PDE1A: variants seen among roughly 807,000 people sequenced by gnomAD.
PDE1A encodes phosphodiesterase 1A.
Under a neutral mutation model 61.7 loss-of-function variants are expected in PDE1A, and 35 were observed. The observed-to-expected ratio is 0.57, with a 90% CI of 0.43 to 0.75. The LOEUF is 0.75. Ranked by LOEUF, PDE1A falls within the 30% of genes least tolerant of loss-of-function variation. PDE1A has a pLI of 0.00. For missense variants in PDE1A, 597 were observed against 630.6 expected (o/e 0.95, Z 0.57); for synonymous variants, 232 against 213.2 (o/e 1.09, Z -0.77).
At chr2:182,379,616 G>C (rs1700611239) in intron 1 of PDE1A, among the ~76,000 whole-genome samples, 1 of 152,150 alleles carries the variant, frequency 6.6e-6, no homozygotes, top group African/African-American at 2.4e-5. Context: ...AGGTAAATTA[G>C]AACAAAATGT....
intron 2 of PDE1A, among the ~76,000 whole-genome samples, chr2:182,241,045 A>G (rs1039160097): frequency 6.6e-6 from 1 of 152,198 alleles, no homozygotes; most frequent in African/African-American, 2.4e-5. Flanking sequence ...AACAATGACC[A>G]CGCTCTGTAT....
At chr2:182,211,318 T>C (rs1199203059) in intron 7 of PDE1A, among the ~76,000 whole-genome samples, 1 of 152,230 alleles carries the variant, frequency 6.6e-6, no homozygotes, top group Non-Finnish European at 1.5e-5. Context: ...CAAAGATCAG[T>C]TGACTATATT....
At chr2:182,188,549 T>C (rs902790514) in intron 11 of PDE1A, among the ~76,000 whole-genome samples, 7 of 152,202 alleles carry the variant, frequency 4.6e-5, no homozygotes, top group Non-Finnish European at 1.0e-4. Context: ...ATTCACATCA[T>C]GACAGAATAT....
At chr2:182,341,162 CG>C (rs1363259213) in intron 1 of PDE1A, among the ~76,000 whole-genome samples, 1 of 152,154 alleles carries the variant, frequency 6.6e-6, no homozygotes, top group African/African-American at 2.4e-5. Flanking sequence ...ATTCTCACAA[CG>C]TTATAGAGAG....
the PDE1A span, among the ~76,000 whole-genome samples, chr2:182,681,903 C>T: frequency 6.6e-6 from 1 of 152,182 alleles, no homozygotes; most frequent in Non-Finnish European, 1.5e-5. Context: ...ACCTCGGCCT[C>T]CCAAAGTGCT....
At chr2:182,374,703 T>C (rs1479502277) in intron 1 of PDE1A, among the ~76,000 whole-genome samples, 1 of 152,176 alleles carries the variant, frequency 6.6e-6, no homozygotes, top group Non-Finnish European at 1.5e-5. Flanking sequence ...AAGTGGTGAA[T>C]AAGCACATAA....
intron 3 of PDE1A, among the ~76,000 whole-genome samples, 161 bp from the exon 4 acceptor site, chr2:182,234,659 A>C (rs1689862265): frequency 6.6e-6 from 1 of 152,198 alleles, no homozygotes; most frequent in African/African-American, 2.4e-5. Context: ...TCACCTTTTT[A>C]CTAAACATCT....
chr2:182,546,255 G>A, the PDE1A span, among the ~76,000 whole-genome samples: 2 of 152,164 alleles, frequency 1.3e-5, no homozygotes, highest in Non-Finnish European at 2.9e-5. Context: ...CCATTGTGCT[G>A]TTGCTAGGAT....
Position 182,186,499 on chromosome 2 carries a change from T to C in PDE1A, c.1297A>G (p.Lys433Glu), listed in dbSNP as rs201595839. The C allele has an allele frequency of 4.1e-5, 66 of 1,613,076 alleles. No homozygotes were observed. In the Admixed American group the frequency reaches 6.9e-4, roughly 17 times the overall value. The change falls in exon 12 of 14, where the codon AAA becomes GAA. Residue 433 changes from lysine (K) to glutamate (E), a missense_variant. By Grantham distance (56) the Lys-to-Glu change is moderately conservative (BLOSUM62 1). Transcript: ENST00000351439. ...GCCACATAGGAAGAAGTTTCGGCTT[T>C]TGAGGCTTCCTCTATAAGAGGAATA...
intron 1 of PDE1A, among the ~76,000 whole-genome samples, chr2:182,400,375 T>C (rs1411473168): frequency 6.6e-6 from 1 of 152,212 alleles, no homozygotes; most frequent in Non-Finnish European, 1.5e-5. Context: ...TAAGAAACAG[T>C]TGCTCCATTT....
At chr2:182,451,075 T>C (rs1425459872) in intron 2 of PDE1A, among the ~76,000 whole-genome samples, 1 of 152,030 alleles carries the variant, frequency 6.6e-6, no homozygotes, top group Non-Finnish European at 1.5e-5. Flanking sequence ...ATTTTTCTTT[T>C]TATTAAAAAT....
At chr2:182,547,574 T>A in the PDE1A span, among the ~76,000 whole-genome samples, 1 of 152,346 alleles carries the variant, frequency 6.6e-6, no homozygotes, top group East Asian at 1.9e-4. Context: ...TTAAAACACA[T>A]AAGATATGCA....
chr2:182,575,801 T>C, the PDE1A span, among the ~76,000 whole-genome samples: 1 of 146,726 alleles, frequency 6.8e-6, no homozygotes, highest in Non-Finnish European at 1.5e-5. Context: ...TTAGTATTAT[T>C]AATTATTAAT....
Position 182,363,828 on chromosome 2 carries a change from G to T in PDE1A, c.53+62750C>A, listed in dbSNP as rs533937489. Among the ~76,000 whole-genome samples, 13 of 152,070 alleles carry T rather than the reference G, an allele frequency of 8.5e-5. No individual in the cohort carries two copies. The South Asian group carries it at 2.3e-3, about 27-fold the overall frequency. ...AGTTTCTAGAATTAGAAATTAACAA[G>T]GCAATAGTCTCAATAAAAGATGTGT... On this transcript the variant is annotated intron_variant, in intron 1 of 13. Transcript: ENST00000351439.
At chr2:182,255,213 A>G (rs2125748492) in intron 2 of PDE1A, among the ~76,000 whole-genome samples, 1 of 152,318 alleles carries the variant, frequency 6.6e-6, no homozygotes, top group Middle Eastern at 3.4e-3. Context: ...ACCACTAGCC[A>G]TCAATATTTT....
intron 2 of PDE1A, among the ~76,000 whole-genome samples, chr2:182,488,444 A>C (rs1688164447): frequency 6.6e-6 from 1 of 152,218 alleles, no homozygotes; most frequent in Non-Finnish European, 1.5e-5. Flanking sequence ...ATGAAAAAGC[A>C]AATCATATAA....
intron 2 of PDE1A, among the ~76,000 whole-genome samples, chr2:182,261,031 A>C (rs545527171): frequency 1.3e-5 from 2 of 152,328 alleles, no homozygotes; most frequent in African/African-American, 4.8e-5. Flanking sequence ...ATGATGTTTA[A>C]ATAAAATGGT....
chr2:182,291,649 C>T (rs2125886929), intron 1 of PDE1A, among the ~76,000 whole-genome samples: 1 of 152,072 alleles, frequency 6.6e-6, no homozygotes, highest in African/African-American at 2.4e-5. Flanking sequence ...CATAATCCAG[C>T]AACAGTTTAG....
rs1053204504 is a variant in PDE1A, at chr2:182,451,205, T to C, written c.101+71071A>G. Among the ~76,000 whole-genome samples, 82 of 44,490 alleles carry C rather than the reference T, an allele frequency of 1.8e-3. 34 individuals carry two copies. In the South Asian group the frequency reaches 0.067, roughly 37 times the overall value. 29.2% of individuals were successfully genotyped at this position (44,490 alleles called of 152,430 possible). A position where few individuals can be genotyped will look rare whatever the true frequency, so the allele number is the denominator to read the frequency against. ...CATCCCGGCTAACACGGTGAAACCC[T>C]GTCTCTACTAAAAATACAAAAAAAT... On this transcript the variant is annotated intron_variant, in intron 2 of 14. Coordinates refer to the PDE1A transcript ENST00000410103.
Sources: allele counts gnomAD v4.1 joint callset (sites outside exome capture counted in the v4.1 genomes callset), GRCh38; gene constraint gnomAD v4.1.1; transcripts MANE v1.5; gene names NCBI Gene and HGNC (gene_info 2026-07-23, HGNC 2026-07-21).